Variants in ENOX1 observed in about 807,000 individuals in gnomAD.
ENOX1 encodes candidate growth-related and time keeping constitutive hydroquinone (NADH) oxidase.
A neutral mutation model predicts 82.5 loss-of-function variants in ENOX1; 42 were observed. The ratio of observed to expected loss-of-function variants is 0.51; its 90% CI spans 0.40 to 0.66. The LOEUF (loss-of-function observed/expected upper bound fraction) is 0.66, where lower values mean the gene tolerates loss of function less well. Among genes scored for constraint, ENOX1 ranks in the 30% least tolerant of loss-of-function variants. ENOX1 has a pLI of 0.00. For missense variants in ENOX1, 608 were observed against 811.6 expected (o/e 0.75, Z 3.05); for synonymous variants, 271 against 282.2 (o/e 0.96, Z 0.40).
intron 2 of ENOX1, among the ~76,000 whole-genome samples, chr13:43,655,407 A>C (rs551438260): frequency 6.6e-6 from 1 of 152,200 alleles, no homozygotes; most frequent in Admixed American, 6.5e-5. Flanking sequence ...GCAGCAATCC[A>C]GCCTTGACTT....
At chr13:43,583,999 T>C (rs1006314354) in intron 2 of ENOX1, among the ~76,000 whole-genome samples, 3 of 152,180 alleles carry the variant, frequency 2.0e-5, no homozygotes, top group Admixed American at 6.5e-5. Flanking sequence ...TAACTGCATG[T>C]GCACAGGATG....
chr13:43,391,643 AATCCATCACAAAAT>A (rs1351155756), intron 5 of ENOX1, among the ~76,000 whole-genome samples: 1 of 152,024 alleles, frequency 6.6e-6, no homozygotes, highest in African/African-American at 2.4e-5. Context: ...CCTGTCATCT[AATCCATCACAAAAT>A]CCTAAGGCTT....
At chr13:43,669,260 C>T (rs2085139568) in intron 1 of ENOX1, among the ~76,000 whole-genome samples, 1 of 152,176 alleles carries the variant, frequency 6.6e-6, no homozygotes, top group Non-Finnish European at 1.5e-5. Context: ...TTGGCAGATG[C>T]CCTGCTGGGA....
rs184391636 is a variant in ENOX1 at position 43,394,175 on chromosome 13, C to T, written c.208+17741G>A. 4.6e-5 allele frequency among the ~76,000 whole-genome samples: 7 copies of T among 152,276 alleles called. No individual in the cohort carries two copies. The East Asian group carries it at 1.3e-3, about 29-fold the overall frequency. On this transcript the variant is annotated intron_variant, in intron 5 of 16. Transcript: ENST00000690772. The stretch of plus-strand genomic sequence containing the variant: ...TTCTTTTACAGCAATACATAATGAA[C>T]TAATACACTTGTGCAATATCAATAG...
chr13:43,650,221 G>A (rs888810511), intron 2 of ENOX1, among the ~76,000 whole-genome samples: 29 of 152,102 alleles, frequency 1.9e-4, no homozygotes, highest in Non-Finnish European at 8.8e-5. Context: ...TTCTTGGCAG[G>A]GGCTGGCAAA....
At chr13:43,654,049 G>A (rs1031588542) in intron 2 of ENOX1, among the ~76,000 whole-genome samples, 16 of 152,322 alleles carry the variant, frequency 1.1e-4, no homozygotes, top group Admixed American at 9.8e-4. Context: ...CTGGGCTAGA[G>A]TGCTCAGTTC....
intron 3 of ENOX1, among the ~76,000 whole-genome samples, chr13:43,447,706 G>A (rs757377866): frequency 2.3e-4 from 35 of 152,114 alleles, no homozygotes; most frequent in Non-Finnish European, 4.7e-4. Context: ...TTCTAATGGA[G>A]ACCTTCATAG....
intron 2 of ENOX1, among the ~76,000 whole-genome samples, chr13:43,613,566 C>T (rs1050470982): frequency 4.6e-5 from 7 of 152,040 alleles, no homozygotes; most frequent in Admixed American, 3.9e-4. Flanking sequence ...AAACTCAAAT[C>T]AAATCAGAAA....
chr13:43,760,371 T>C (rs1428322598), intron 1 of ENOX1, among the ~76,000 whole-genome samples: 1 of 152,162 alleles, frequency 6.6e-6, no homozygotes, highest in African/African-American at 2.4e-5. Context: ...GTAATCCTCA[T>C]GAATGTTAGT....
intron 8 of ENOX1, among the ~76,000 whole-genome samples, chr13:43,346,310 C>G (rs1471925051): frequency 1.3e-5 from 2 of 152,116 alleles, no homozygotes; most frequent in Non-Finnish European, 2.9e-5. Flanking sequence ...AAGAAAGCAG[C>G]TTTTAGGGAT....
chr13:43,354,946 G>A (rs1271792430), intron 8 of ENOX1, among the ~76,000 whole-genome samples: 1 of 152,178 alleles, frequency 6.6e-6, no homozygotes, highest in Non-Finnish European at 1.5e-5. Flanking sequence ...AACATTATTT[G>A]CACTGGCCCC....
intron 3 of ENOX1, among the ~76,000 whole-genome samples, chr13:43,472,232 T>C (rs2058099007): frequency 6.6e-6 from 1 of 152,176 alleles, no homozygotes. Flanking sequence ...TTAGCTACTA[T>C]TTTTAGTAAG....
At chr13:43,226,373 T>C (rs886801568) in intron 15 of ENOX1, among the ~76,000 whole-genome samples, 6 of 152,240 alleles carry the variant, frequency 3.9e-5, no homozygotes, top group African/African-American at 1.4e-4. Context: ...ATGATAAGAA[T>C]CAGGGTAATT....
chr13:43,534,939 T>C (rs1028834481), intron 2 of ENOX1, among the ~76,000 whole-genome samples: 3 of 152,220 alleles, frequency 2.0e-5, no homozygotes. Context: ...TCCATGGATT[T>C]AAATGAAAAT....
At chr13:43,376,381 T>C (rs1398875005) in intron 5 of ENOX1, among the ~76,000 whole-genome samples, 1 of 152,200 alleles carries the variant, frequency 6.6e-6, no homozygotes, top group Non-Finnish European at 1.5e-5. Flanking sequence ...CTGTTCAGTG[T>C]CTTTTCTTGA....
chr13:43,323,411 G>A (rs2047926106), intron 10 of ENOX1, among the ~76,000 whole-genome samples: 1 of 152,124 alleles, frequency 6.6e-6, no homozygotes, highest in African/African-American at 2.4e-5. Context: ...CACAAGTGAG[G>A]AATAATAATA....
At chr13:43,364,245 G>A (rs1286271341) in intron 5 of ENOX1, among the ~76,000 whole-genome samples, 2 of 152,178 alleles carry the variant, frequency 1.3e-5, no homozygotes, top group Non-Finnish European at 2.9e-5. Context: ...AGCGCAACCC[G>A]AAGAATCAGT....
intron 1 of ENOX1, among the ~76,000 whole-genome samples, chr13:43,674,395 G>A (rs2085406548): frequency 6.6e-6 from 1 of 152,136 alleles, no homozygotes; most frequent in Non-Finnish European, 1.5e-5. Flanking sequence ...GCCAAACAGA[G>A]CAAAAGGCTA....
intron 3 of ENOX1, among the ~76,000 whole-genome samples, chr13:43,478,128 A>C (rs527357224): frequency 2.8e-5 from 4 of 144,146 alleles, no homozygotes; most frequent in Non-Finnish European, 6.0e-5. Flanking sequence ...TTTCACTAGT[A>C]AGGCAAGAGT....
Sources: allele counts gnomAD v4.1 joint callset (sites outside exome capture counted in the v4.1 genomes callset), GRCh38; gene constraint gnomAD v4.1.1; transcripts MANE v1.5; gene names NCBI Gene and HGNC (gene_info 2026-07-23, HGNC 2026-07-21).